Variants in COPS9 observed in about 807,000 individuals in gnomAD.
The protein encoded by COPS9 is COP9 signalosome subunit 9, also known as COP9 signalosome complex subunit 9.
A neutral mutation model predicts 7.2 loss-of-function variants in COPS9; 8 were observed. The observed-to-expected ratio is 1.11, with a 90% CI of 0.65 to 2.00. The LOEUF (loss-of-function observed/expected upper bound fraction) is 2.00, where lower values mean the gene tolerates loss of function less well. Among genes scored for constraint, COPS9 ranks in the 30% most tolerant of loss-of-function variants. The probability of loss-of-function intolerance (pLI) is 0.00; values close to 1 mark genes in which losing one functional copy is unlikely to be tolerated. For synonymous variants in COPS9, 39 were observed against 28.7 expected, an observed-to-expected ratio of 1.36 and a Z score of -1.14; for missense variants, 74 against 77.7, an observed-to-expected ratio of 0.95 and a Z score of 0.18.
chr2:240,128,807 G>A (rs1393456478), downstream of COPS9, among the ~76,000 whole-genome samples: 1 of 152,184 alleles, frequency 6.6e-6, no homozygotes, highest in Admixed American at 6.5e-5. Context: ...AGATGAGGAA[G>A]AAAAACAGGT....
chr2:240,132,432 A>G lies in COPS9; in HGVS notation c.137-1344T>C, dbSNP rs2071932103. Among the ~76,000 whole-genome samples the G allele has an allele frequency of 3.3e-5, 5 of 152,094 alleles. No individual in the cohort carries two copies. The South Asian group carries it at 8.3e-4, about 25-fold the overall frequency. On this transcript the variant is annotated intron_variant, in intron 2 of 2. Coordinates refer to ENST00000607357, the MANE Select transcript of COPS9 (RefSeq NM_001163424.2). This position sits in a 1 kb window ranked among gnomAD's most constrained non-coding sequence, Gnocchi z 4.1. ...CTGATGGGACAGTGAGTGCTTTGTG[A>G]ACTTAGTGGGTGGGCAGGCAGGGGA... is the stretch of plus-strand genomic sequence containing the variant.
intron 2 of COPS9, among the ~76,000 whole-genome samples, chr2:240,131,637 T>C (rs1160210581): frequency 1.3e-5 from 2 of 152,220 alleles, no homozygotes; most frequent in Non-Finnish European, 2.9e-5. Flanking sequence ...CCATTCTCAC[T>C]GGAAGAAACG....
chr2:240,136,303 T>C lies in COPS9; in HGVS notation c.-19A>G. 2 of 1,552,570 alleles carry C rather than the reference T, an allele frequency of 1.3e-6. No homozygotes were observed. Among genetic ancestry groups the C allele is most frequent in the South Asian group, 1.2e-5 (1 of 83,518 alleles). ...GCTTCATCTCGGGGCCGCGGCGCTC[T>C]AGGCTCACTTCCGGCCTCAGAGCCG... On this transcript the variant is annotated 5_prime_UTR_variant, in exon 1 of 3. Transcript: ENST00000607357.
In COPS9 at chr2:240,130,950, G is replaced by A. The variant is rs1028487572; in HGVS notation, c.*101C>T. The stretch of plus-strand genomic sequence containing the variant: ...GGTTAACCAGGTCCTAAATTCAAGG[G>A]ATTTCCACGTGTTCTTTAAAACCAC... On this transcript the variant is annotated 3_prime_UTR_variant, in exon 3 of 3. Transcript: ENST00000607357. The A allele has an allele frequency of 5.9e-6, 9 of 1,523,436 alleles. No homozygotes were observed. Among genetic ancestry groups the A allele is most frequent in the Non-Finnish European group, 7.9e-6 (9 of 1,135,510 alleles). The allele number at this position is 1,523,436 out of a possible 1,614,324, so 94.4% of individuals were successfully genotyped here.
At chr2:240,127,009 T>C (rs1416589960), downstream of COPS9, 2 of 1,560,206 alleles carry the variant, frequency 1.3e-6, no homozygotes, top group African/African-American at 2.7e-5. Context: ...GAATTCCGAG[T>C]GACCTGGGAC....
chr2:240,127,852 T>G (rs1414011972), downstream of COPS9, among the ~76,000 whole-genome samples: 1 of 152,186 alleles, frequency 6.6e-6, no homozygotes, highest in Non-Finnish European at 1.5e-5. Flanking sequence ...CGATCAGGGT[T>G]GCTCTGCCTT....
chr2:240,130,979 A>G lies in COPS9; in HGVS notation c.*72T>C. 2 of 1,574,670 alleles carry G rather than the reference A, an allele frequency of 1.3e-6. No homozygotes were observed. The highest frequency in any genetic ancestry group is 1.7e-6 in the Non-Finnish European group (2 of 1,162,668). ...TCCACGTGTTCTTTAAAACCACCTG[A>G]AACTGTCCTGCGCAGGCTCACACTG... On this transcript the variant is annotated 3_prime_UTR_variant, in exon 3 of 3. Transcript: ENST00000607357.
chr2:240,130,087 C>T, downstream of COPS9: 2 of 1,376,014 alleles, frequency 1.5e-6, no homozygotes, highest in Admixed American at 3.9e-5. Flanking sequence ...ATCCACTCAC[C>T]ACTCATGAGA....
intron 1 of COPS9, chr2:240,135,999 C>T (rs980003924): frequency 1.3e-4 from 87 of 685,952 alleles, no homozygotes; most frequent in Non-Finnish European, 1.7e-4. Context: ...CCTCCTGGTC[C>T]CCCGGGCTAG....
chr2:240,126,592 T>C (rs1246423255), downstream of COPS9: 2 of 1,614,136 alleles, frequency 1.2e-6, no homozygotes, highest in East Asian at 2.2e-5. Context: ...GGCTGTGTGG[T>C]CTTCTTCCCT....
rs773657342 is a variant in COPS9 at position 240,133,936 on chromosome 2, T to G, written c.133A>C (p.Asn45His). The G allele has an allele frequency of 8.7e-6, 14 of 1,614,078 alleles. No homozygotes were observed. Among genetic ancestry groups the G allele is most frequent in the Non-Finnish European group, 1.1e-5 (13 of 1,179,960 alleles). ...NEKAVHADFF[N>H]DFEDLFDDDD... is the part of the protein sequence containing the mutation. ...ATCCCATTCCAAGCATCCTTACCGT[T>G]AAAAAAGTCTGCATGAACGGCCTTT... Residue 45 changes from asparagine to histidine, a missense_variant, in exon 2 of 3, where the codon AAC becomes CAC. Asn to His is a moderately conservative substitution (Grantham distance 68). Coordinates refer to ENST00000607357, the MANE Select transcript of COPS9 (RefSeq NM_001163424.2).
At chr2:240,129,732 T>C (rs2071901359), downstream of COPS9, among the ~76,000 whole-genome samples, 1 of 152,126 alleles carries the variant, frequency 6.6e-6, no homozygotes, top group South Asian at 2.1e-4. Flanking sequence ...TCTCACGAAA[T>C]GAATTGCAAG....
chr2:240,130,384 C>A (rs1035406821), downstream of COPS9, among the ~76,000 whole-genome samples: 13 of 152,240 alleles, frequency 8.5e-5, no homozygotes, highest in African/African-American at 3.1e-4. Flanking sequence ...CTACAGGAAA[C>A]AAGACCCCTC....
chr2:240,135,103 G>C (rs2071962119), intron 1 of COPS9, among the ~76,000 whole-genome samples: 1 of 152,010 alleles, frequency 6.6e-6, no homozygotes, highest in Non-Finnish European at 1.5e-5. Flanking sequence ...ATGGTTTCAC[G>C]ATCTGGGTAG....
intron 2 of COPS9, 124 bp downstream of exon 2, chr2:240,133,809 G>A (rs2071945461): frequency 2.2e-6 from 2 of 906,904 alleles, no homozygotes; most frequent in Middle Eastern, 2.2e-4. Flanking sequence ...TGCATTCTGA[G>A]AGGAGCGCAG....
chr2:240,134,883 C>T (rs928221901), intron 1 of COPS9, among the ~76,000 whole-genome samples: 1 of 152,072 alleles, frequency 6.6e-6, no homozygotes, highest in Non-Finnish European at 1.5e-5. Context: ...GTTCTCCCTG[C>T]TCTCATTTTT....
rs914637575 is a variant in COPS9 at position 240,130,833 on chromosome 2, T to C, written c.*218A>G. 50 of 1,402,010 alleles carry C rather than the reference T, an allele frequency of 3.6e-5. No homozygotes were observed. The South Asian group carries it at 6.2e-4, about 17-fold the overall frequency. 86.8% of individuals were successfully genotyped at this position (1,402,010 alleles called of 1,614,324 possible). On this transcript the variant is annotated 3_prime_UTR_variant, in exon 3 of 3. Transcript: ENST00000607357. ...GAAAGAGATCACTCCACATGTGACA[T>C]TGCTTTCTTTTAATTGGAGTGAGGA...
At chr2:240,130,085 A>G (rs1242629529), downstream of COPS9, 21 of 1,389,272 alleles carry the variant, frequency 1.5e-5, no homozygotes, top group East Asian at 5.0e-4. Flanking sequence ...AAATCCACTC[A>G]CCACTCATGA....
Position 240,132,465 on chromosome 2 carries a change from C to T in COPS9, c.137-1377G>A, listed in dbSNP as rs1244937138. 6.6e-6 allele frequency among the ~76,000 whole-genome samples: 1 copy of T among 152,178 alleles called. No individual in the cohort carries two copies. The highest frequency in any genetic ancestry group is 1.5e-5 in the Non-Finnish European group (1 of 68,038). On this transcript the variant is annotated intron_variant, in intron 2 of 2. Transcript: ENST00000607357. The surrounding 1 kb of genome is among the most constrained non-coding windows in gnomAD (Gnocchi z 4.1). ...GGGTGGGCAGGCAGGGGACACAGAGCTCTCCTGCGTCCCCTCCCTGACCGG... is the reference window on the plus strand; with the variant it reads ...GGGTGGGCAGGCAGGGGACACAGAGTTCTCCTGCGTCCCCTCCCTGACCGG...
Sources: gnomAD v4.1 joint callset for allele counts (sites outside exome capture counted in the v4.1 genomes callset) on GRCh38, gnomAD v4.1.1 for gene constraint, Gnocchi (gnomAD v3.1) non-coding constraint, MANE v1.5 for transcripts, NCBI Gene and HGNC (gene_info 2026-07-23, HGNC 2026-07-21) for gene names.